CTNNA2: variants seen among roughly 807,000 people sequenced by gnomAD.
The protein encoded by CTNNA2 is catenin alpha 2.
A neutral mutation model predicts 101.0 loss-of-function variants in CTNNA2; 42 were observed. That is an observed-to-expected ratio of 0.42 (90% CI 0.32 to 0.54). CTNNA2 has a LOEUF of 0.54. Among genes scored for constraint, CTNNA2 ranks in the 20% least tolerant of loss-of-function variants. The pLI is 0.14. For synonymous variants in CTNNA2, 450 were observed against 456.4 expected (o/e 0.99, Z 0.18); for missense variants, 871 against 1,223.1 (o/e 0.71, Z 4.29).
chr2:79,729,758 G>A (rs1202437286), intron 2 of CTNNA2, among the ~76,000 whole-genome samples: 1 of 152,010 alleles, frequency 6.6e-6, no homozygotes, highest in African/African-American at 2.4e-5. Flanking sequence ...ATATGGCAGT[G>A]CATTCAAGTG....
intron 2 of CTNNA2, among the ~76,000 whole-genome samples, chr2:79,743,175 T>TAAA (rs35975188): frequency 0.23 from 33,141 of 147,140 alleles, 3,857 homozygotes; most frequent in African/African-American, 0.31. Flanking sequence ...GTGAAGCCGA[T>TAAA]AAAAAAAAAA....
chr2:80,418,614 A>T (rs1480757980), intron 8 of CTNNA2, among the ~76,000 whole-genome samples: 1 of 152,204 alleles, frequency 6.6e-6, no homozygotes, highest in African/African-American at 2.4e-5. Flanking sequence ...CATCCTATCA[A>T]GAGATTCACT....
intron 7 of CTNNA2, among the ~76,000 whole-genome samples, chr2:80,219,688 TTTGA>T (rs745489192): frequency 6.6e-6 from 1 of 152,134 alleles, no homozygotes; most frequent in Admixed American, 6.6e-5. Flanking sequence ...TTAGAAAGGG[TTTGA>T]TTAACAAAAA....
chr2:79,848,589 C>G (rs956502272), intron 3 of CTNNA2, among the ~76,000 whole-genome samples: 1 of 152,128 alleles, frequency 6.6e-6, no homozygotes, highest in Non-Finnish European at 1.5e-5. Flanking sequence ...AAAATCCATA[C>G]GGTTAATGAT....
At chr2:80,239,826 C>T (rs184999600) in intron 7 of CTNNA2, among the ~76,000 whole-genome samples, 2 of 151,884 alleles carry the variant, frequency 1.3e-5, no homozygotes, top group Admixed American at 6.6e-5. Context: ...GCAGGAGAAT[C>T]GTTTGAACCT....
intron 3 of CTNNA2, among the ~76,000 whole-genome samples, chr2:79,808,744 G>T (rs1327618256): frequency 6.6e-6 from 1 of 151,768 alleles, no homozygotes; most frequent in Non-Finnish European, 1.5e-5. Context: ...AGGCAAATTT[G>T]GGGTCAAGGT....
chr2:80,019,310 A>G lies in CTNNA2; in HGVS notation c.1056+109513A>G, dbSNP rs147243390. ...CATGGTTGAAACCAATAACACAGCAATGGTTGAGATTTAGCTTGCAATGGT... is the reference window on the plus strand; with the variant it reads ...CATGGTTGAAACCAATAACACAGCAGTGGTTGAGATTTAGCTTGCAATGGT... On this transcript the variant is annotated intron_variant, in intron 7 of 18. Coordinates refer to ENST00000402739, the MANE Select transcript of CTNNA2 (RefSeq NM_001282597.3). Among the ~76,000 whole-genome samples the G allele has an allele frequency of 3.3e-3, 496 of 152,300 alleles. 4 individuals carry two copies. Among genetic ancestry groups the G allele is most frequent in the African/African-American group, 0.011 (476 of 41,574 alleles).
At chr2:80,433,380 T>C (rs1016876253) in intron 9 of CTNNA2, among the ~76,000 whole-genome samples, 1 of 151,832 alleles carries the variant, frequency 6.6e-6, no homozygotes, top group African/African-American at 2.4e-5. Flanking sequence ...CCAGGTAAGG[T>C]TCACAGCTGA....
intron 4 of CTNNA2, among the ~76,000 whole-genome samples, chr2:79,393,510 A>C (rs1341437686): frequency 6.6e-6 from 1 of 152,040 alleles, no homozygotes; most frequent in African/African-American, 2.4e-5. Flanking sequence ...CAAAGTCTAA[A>C]ATATTTACCA....
intron 7 of CTNNA2, chr2:80,299,544 C>CTT (rs1676057621): frequency 6.6e-6 from 1 of 152,160 alleles, no homozygotes; most frequent in Non-Finnish European, 1.5e-5. Flanking sequence ...TCTTAAGCTC[C>CTT]CAGATTGCAG....
intron 3 of CTNNA2, among the ~76,000 whole-genome samples, chr2:79,830,424 A>G (rs527867913): frequency 6.6e-6 from 1 of 152,258 alleles, no homozygotes; most frequent in East Asian, 1.9e-4. Flanking sequence ...GGTGCTAGGG[A>G]ATCATAGGCC....
rs1018335784 is a variant in CTNNA2 at position 80,556,217 on chromosome 2, T to C, written c.1741+324T>C. ...GAGATAATTTTATGACTTGAGAAAATTATGGTTTGAATTGGCTAAGAGACT... is the reference window on the plus strand; with the variant it reads ...GAGATAATTTTATGACTTGAGAAAACTATGGTTTGAATTGGCTAAGAGACT... On this transcript the variant is annotated intron_variant, in intron 12 of 18. Coordinates refer to ENST00000402739, the MANE Select transcript of CTNNA2 (RefSeq NM_001282597.3). 6.6e-5 allele frequency among the ~76,000 whole-genome samples: 10 copies of C among 152,288 alleles called. No individual in the cohort carries two copies. In the East Asian group the frequency reaches 1.9e-3, roughly 29 times the overall value.
intron 2 of CTNNA2, among the ~76,000 whole-genome samples, chr2:79,272,028 G>A (rs896054719): frequency 3.3e-5 from 5 of 151,952 alleles, no homozygotes; most frequent in Non-Finnish European, 5.9e-5. Context: ...GGTCTCTAGT[G>A]ACTTACAGCA....
chr2:80,211,052 T>C (rs2149035272), intron 7 of CTNNA2, among the ~76,000 whole-genome samples: 1 of 152,322 alleles, frequency 6.6e-6, no homozygotes, highest in East Asian at 1.9e-4. Context: ...TGCCCACTTT[T>C]TGATGGGGTT....
At position 79,295,295 on chromosome 2, in the gene CTNNA2, C is replaced by T. The variant is rs112713372; in HGVS notation, c.-405-17414C>T. Among the ~76,000 whole-genome samples, 493 of 152,216 alleles carry T rather than the reference C, an allele frequency of 3.2e-3. 2 individuals are homozygous for T. Among genetic ancestry groups the T allele is most frequent in the African/African-American group, 0.011 (473 of 41,544 alleles). ...GCCATGTTCTGCAAAGCCACTTACT[C>T]AACTTGCCAACTTTTAAAATTAAAC... On this transcript the variant is annotated intron_variant, in intron 2 of 21. Transcript: ENST00000466387.
chr2:80,375,854 T>C (rs10207430), intron 7 of CTNNA2, among the ~76,000 whole-genome samples: 56,597 of 151,734 alleles, frequency 0.37, 12,484 homozygotes, highest in African/African-American at 0.62. Flanking sequence ...TGAGCCACCA[T>C]GCCTGGCCTT....
At chr2:79,882,669 GC>G (rs1388408987) in intron 6 of CTNNA2, among the ~76,000 whole-genome samples, 1 of 152,236 alleles carries the variant, frequency 6.6e-6, no homozygotes, top group African/African-American at 2.4e-5. Flanking sequence ...GCTGGCTGCT[GC>G]CCCTCCGCCA....
At chr2:80,562,485 A>C (rs2149677019) in intron 12 of CTNNA2, among the ~76,000 whole-genome samples, 1 of 152,366 alleles carries the variant, frequency 6.6e-6, no homozygotes, top group South Asian at 2.1e-4. Context: ...GTTAAGGATT[A>C]GGAAAAGTCA....
chr2:80,643,614 T>G (rs1673725058), intron 18 of CTNNA2, among the ~76,000 whole-genome samples: 1 of 152,146 alleles, frequency 6.6e-6, no homozygotes, highest in Admixed American at 6.5e-5. Flanking sequence ...GTAATTCAGG[T>G]CAGCTTGAGG....
Sources: allele counts gnomAD v4.1 joint callset (sites outside exome capture counted in the v4.1 genomes callset), GRCh38; gene constraint gnomAD v4.1.1; transcripts MANE v1.5; gene names NCBI Gene and HGNC (gene_info 2026-07-23, HGNC 2026-07-21).